The following UST variants were observed in gnomAD, a reference collection of about 807,000 sequenced individuals.
The protein encoded by UST is chondroitin sulfate 2-O-sulfotransferase.
UST carries 21 observed loss-of-function variants against 45.6 expected under a neutral mutation model. The observed-to-expected ratio is 0.46, with a 90% CI of 0.33 to 0.66. The LOEUF (loss-of-function observed/expected upper bound fraction) is 0.66. UST is among the 30% of genes least tolerant of loss of function. UST has a pLI of 0.02. For synonymous variants in UST, 215 were observed against 200.6 expected (o/e 1.07, Z -0.61); for missense variants, 463 against 512.4 (o/e 0.90, Z 0.93).
At chr6:148,820,726 G>A (rs554828255) in intron 1 of UST, among the ~76,000 whole-genome samples, 19 of 151,300 alleles carry the variant, frequency 1.3e-4, no homozygotes, top group African/African-American at 4.4e-4. Flanking sequence ...GGTGGTGGCC[G>A]CCTGTAATCC....
intron 1 of UST, among the ~76,000 whole-genome samples, chr6:148,805,374 A>T (rs1582823099): frequency 2.0e-5 from 3 of 152,348 alleles, no homozygotes; most frequent in South Asian, 2.1e-4. Flanking sequence ...TTTTGATTCC[A>T]TGATCAACTA....
At chr6:148,829,550 T>C (rs1265538637) in intron 1 of UST, among the ~76,000 whole-genome samples, 1 of 152,168 alleles carries the variant, frequency 6.6e-6, no homozygotes, top group Non-Finnish European at 1.5e-5. Context: ...CACCCCACTC[T>C]CACCATCTCT....
intron 1 of UST, among the ~76,000 whole-genome samples, chr6:148,767,252 A>G (rs1373582582): frequency 6.6e-6 from 1 of 152,230 alleles, no homozygotes; most frequent in Non-Finnish European, 1.5e-5. Context: ...TTTAAACTGA[A>G]TTTTCATTCA....
chr6:148,888,603 C>G (rs1778953724), intron 2 of UST, among the ~76,000 whole-genome samples: 1 of 152,166 alleles, frequency 6.6e-6, no homozygotes, highest in African/African-American at 2.4e-5. Flanking sequence ...ATTGAATGAG[C>G]TGATGTATGA....
intron 1 of UST, among the ~76,000 whole-genome samples, chr6:148,821,062 C>T (rs562387372): frequency 6.0e-4 from 89 of 148,176 alleles, no homozygotes; most frequent in African/African-American, 2.1e-3. Context: ...CTCCACCTCC[C>T]AGGTTCAAGC....
chr6:148,983,787 A>G (rs971587906), intron 5 of UST, among the ~76,000 whole-genome samples: 4 of 152,220 alleles, frequency 2.6e-5, no homozygotes, highest in East Asian at 1.9e-4. Flanking sequence ...TTGTTCACCA[A>G]TCTACTTCTG....
At chr6:148,896,456 G>C (rs1027130878) in intron 2 of UST, among the ~76,000 whole-genome samples, 1 of 152,176 alleles carries the variant, frequency 6.6e-6, no homozygotes, top group Admixed American at 6.5e-5. Flanking sequence ...CTAAGAGGGT[G>C]CCCCTGGTTC....
At chr6:148,824,900 A>G (rs915187311) in intron 1 of UST, among the ~76,000 whole-genome samples, 2 of 136,392 alleles carry the variant, frequency 1.5e-5, no homozygotes, top group Non-Finnish European at 3.1e-5. Context: ...TCATTGTTCA[A>G]TTCCCACCTA....
chr6:148,937,010 A>G (rs1034966605), intron 2 of UST, among the ~76,000 whole-genome samples: 1 of 152,208 alleles, frequency 6.6e-6, no homozygotes, highest in Admixed American at 6.5e-5. Flanking sequence ...AAACAAATCT[A>G]TAGTTCTACC....
rs370187295 is a variant in UST, at chr6:148,901,432, C to T, written c.291+14403C>T. Among the ~76,000 whole-genome samples the T allele has an allele frequency of 2.6e-5, 4 of 152,034 alleles. No homozygotes were observed. In the East Asian group the frequency reaches 5.8e-4, roughly 22 times the overall value. The stretch of plus-strand genomic sequence containing the variant: ...ATAGCTCAGGGATCCAGGCTGTTTC[C>T]ATCTTGTGGCATTACCGTCTCAACA... On this transcript the variant is annotated intron_variant, in intron 2 of 7. Coordinates refer to ENST00000367463, the MANE Select transcript of UST (RefSeq NM_005715.3).
At chr6:148,833,201 A>G (rs151027858) in intron 1 of UST, among the ~76,000 whole-genome samples, 1 of 152,350 alleles carries the variant, frequency 6.6e-6, no homozygotes, top group African/African-American at 2.4e-5. Flanking sequence ...AAAATTGTGG[A>G]ACCTGACCAG....
intron 1 of UST, among the ~76,000 whole-genome samples, chr6:148,779,665 A>C (rs1481294563): frequency 6.6e-6 from 1 of 152,260 alleles, no homozygotes; most frequent in Non-Finnish European, 1.5e-5. Context: ...GTGACTCTAG[A>C]AATGTAGGTG....
intron 1 of UST, among the ~76,000 whole-genome samples, chr6:148,830,275 C>CATG (rs1360383827): frequency 6.6e-6 from 1 of 152,228 alleles, no homozygotes; most frequent in Non-Finnish European, 1.5e-5. Flanking sequence ...TGTCTGGCAA[C>CATG]ATGATGCATG....
intron 7 of UST, among the ~76,000 whole-genome samples, chr6:149,025,965 A>G (rs1373124025): frequency 6.6e-6 from 1 of 151,978 alleles, no homozygotes; most frequent in Non-Finnish European, 1.5e-5. Context: ...TGGCCAACAT[A>G]GTGAAACCCC....
At chr6:148,929,631 C>G (rs1027037146) in intron 2 of UST, among the ~76,000 whole-genome samples, 2 of 152,266 alleles carry the variant, frequency 1.3e-5, no homozygotes, top group Middle Eastern at 3.4e-3. Context: ...ATATATTTTC[C>G]TATTTATTTA....
intron 1 of UST, among the ~76,000 whole-genome samples, chr6:148,854,329 T>G (rs1439299586): frequency 6.6e-6 from 1 of 152,220 alleles, no homozygotes; most frequent in East Asian, 1.9e-4. Context: ...TGTGGCTGTG[T>G]TGGAACTTGC....
chr6:149,055,734 A>G (rs1024660976), intron 7 of UST, among the ~76,000 whole-genome samples: 2 of 152,092 alleles, frequency 1.3e-5, no homozygotes, highest in Non-Finnish European at 2.9e-5. Context: ...CCCATGTCTT[A>G]TCAAAGGGGA....
intron 1 of UST, among the ~76,000 whole-genome samples, chr6:148,804,328 T>C (rs1777108293): frequency 6.6e-6 from 1 of 152,142 alleles, no homozygotes; most frequent in Non-Finnish European, 1.5e-5. Context: ...TGATGCCCTC[T>C]AAATGTTCCC....
chr6:149,040,799 A>G (rs139832308), intron 7 of UST, among the ~76,000 whole-genome samples: 63 of 152,294 alleles, frequency 4.1e-4, no homozygotes, highest in Non-Finnish European at 6.5e-4. Context: ...TGGCTTTGTA[A>G]GGGCTCAGAA....
Sources: allele counts gnomAD v4.1 joint callset (sites outside exome capture counted in the v4.1 genomes callset), GRCh38; gene constraint gnomAD v4.1.1; transcripts MANE v1.5; gene names NCBI Gene and HGNC (gene_info 2026-07-23, HGNC 2026-07-21).